Variants in GRM7 observed in about 807,000 individuals in gnomAD.
The protein encoded by GRM7 is metabotropic glutamate receptor 7.
Under a neutral mutation model 84.5 loss-of-function variants are expected in GRM7, and 35 were observed. The observed-to-expected ratio is 0.41, with a 90% CI of 0.32 to 0.55. The LOEUF (loss-of-function observed/expected upper bound fraction) is 0.55. GRM7 is among the 20% of genes least tolerant of loss of function. GRM7 has a pLI of 0.19. For missense variants in GRM7, 1,003 were observed against 1,194.6 expected, an observed-to-expected ratio of 0.84 and a Z score of 2.36; for synonymous variants, 487 against 455.1, an observed-to-expected ratio of 1.07 and a Z score of -0.89.
chr3:7,437,286 A>G (rs1697097138), intron 5 of GRM7, among the ~76,000 whole-genome samples: 1 of 152,190 alleles, frequency 6.6e-6, no homozygotes, highest in Admixed American at 6.5e-5. Flanking sequence ...GCCTTCTCTT[A>G]GTAGATTTTT....
intron 7 of GRM7, among the ~76,000 whole-genome samples, chr3:7,469,755 G>A (rs1271106593): frequency 6.6e-6 from 1 of 152,118 alleles, no homozygotes; most frequent in South Asian, 2.1e-4. Context: ...ATTTTTATTT[G>A]TCAGCATCTC....
chr3:7,731,559 A>G (rs1160543217), intron 9 of GRM7, among the ~76,000 whole-genome samples: 3 of 152,184 alleles, frequency 2.0e-5, no homozygotes, highest in Admixed American at 2.0e-4. Context: ...TTTAAATGAT[A>G]ATAGGCCTTG....
chr3:7,282,117 T>A lies in GRM7; in HGVS notation c.737-16567T>A, dbSNP rs182726202. Among the ~76,000 whole-genome samples the A allele has an allele frequency of 4.8e-4, 73 of 152,160 alleles. 1 individual carries two copies. The East Asian group carries it at 0.01, about 21-fold the overall frequency. On this transcript the variant is annotated intron_variant, in intron 2 of 9. Transcript: ENST00000357716. Reference sequence around the variant, plus strand: ...AACAAAAAACAGGTACCTACATAATTCCTATGCACATTACAATCTCAGAAA... The same window carrying A: ...AACAAAAAACAGGTACCTACATAATACCTATGCACATTACAATCTCAGAAA...
chr3:7,205,597 C>G (rs572226285), intron 2 of GRM7, among the ~76,000 whole-genome samples: 1 of 152,286 alleles, frequency 6.6e-6, no homozygotes, highest in Admixed American at 6.5e-5. Flanking sequence ...CAATGTTTCT[C>G]TGAGATGGCA....
At chr3:7,060,966 G>A (rs768802191) in intron 1 of GRM7, among the ~76,000 whole-genome samples, 8 of 151,866 alleles carry the variant, frequency 5.3e-5, no homozygotes, top group Middle Eastern at 3.4e-3. Context: ...ACACACTGCC[G>A]TTGAATCCAT....
intron 7 of GRM7, among the ~76,000 whole-genome samples, chr3:7,493,599 A>G (rs897888950): frequency 6.6e-6 from 1 of 151,988 alleles, no homozygotes; most frequent in African/African-American, 2.4e-5. Flanking sequence ...TTTAAGTAGC[A>G]TATAAGTGGG....
chr3:7,654,900 T>TAC (rs1218265506), intron 8 of GRM7, among the ~76,000 whole-genome samples: 1 of 152,236 alleles, frequency 6.6e-6, no homozygotes, highest in Non-Finnish European at 1.5e-5. Flanking sequence ...TCAGCTCTAC[T>TAC]ACCTAAGAAG....
intron 2 of GRM7, among the ~76,000 whole-genome samples, chr3:7,234,415 T>C (rs141338819): frequency 1.8e-3 from 273 of 152,312 alleles, no homozygotes; most frequent in African/African-American, 5.9e-3. Flanking sequence ...TTCCCTCTCC[T>C]GGGCCTCTGA....
intron 4 of GRM7, among the ~76,000 whole-genome samples, chr3:7,381,841 A>T (rs577243862): frequency 2.0e-5 from 3 of 152,152 alleles, no homozygotes; most frequent in African/African-American, 7.2e-5. Flanking sequence ...AGAATCAATC[A>T]TTTCTGAGTT....
intron 1 of GRM7, among the ~76,000 whole-genome samples, chr3:6,939,313 C>A (rs1697806806): frequency 6.6e-6 from 1 of 152,024 alleles, no homozygotes; most frequent in Non-Finnish European, 1.5e-5. Flanking sequence ...CATTATCAAT[C>A]AATAAATCTG....
In GRM7 at chr3:6,967,587, A is replaced by T. The variant is rs2875184; in HGVS notation, c.519+105680A>T. Among the ~76,000 whole-genome samples, 13 of 152,338 alleles carry T rather than the reference A, an allele frequency of 8.5e-5. No individual in the cohort carries two copies. The East Asian group carries it at 2.5e-3, about 29-fold the overall frequency. On this transcript the variant is annotated intron_variant, in intron 1 of 9. Transcript: ENST00000357716. ...GTTGGGATGAGTTTATGTAATATAC[A>T]TCATAAATTATCATATATTTTCAGT...
intron 7 of GRM7, among the ~76,000 whole-genome samples, chr3:7,573,662 CAT>C (rs1483569141): frequency 2.0e-5 from 3 of 152,190 alleles, no homozygotes; most frequent in African/African-American, 7.2e-5. Flanking sequence ...TTTCCCCCAA[CAT>C]GTGTGCTAGA....
At chr3:6,900,998 T>G (rs1559317332) in intron 1 of GRM7, among the ~76,000 whole-genome samples, 1 of 152,242 alleles carries the variant, frequency 6.6e-6, no homozygotes, top group Non-Finnish European at 1.5e-5. Context: ...ACCCCTCATT[T>G]AAAAAACTGG....
At chr3:7,079,609 TGAATA>T (rs962401215) in intron 1 of GRM7, among the ~76,000 whole-genome samples, 1 of 152,054 alleles carries the variant, frequency 6.6e-6, no homozygotes, top group African/African-American at 2.4e-5. Context: ...AGACAGTAGT[TGAATA>T]GAAGTATCAA....
intron 2 of GRM7, among the ~76,000 whole-genome samples, chr3:7,200,003 C>T (rs948924374): frequency 6.6e-6 from 1 of 152,198 alleles, no homozygotes; most frequent in African/African-American, 2.4e-5. Flanking sequence ...CATAGTGCTG[C>T]ACCTGGTTGG....
intron 6 of GRM7, among the ~76,000 whole-genome samples, chr3:7,456,732 G>A (rs1698031671): frequency 6.6e-6 from 1 of 151,412 alleles, no homozygotes; most frequent in African/African-American, 2.4e-5. Flanking sequence ...ACACTCTATG[G>A]TCAACAAAAT....
chr3:7,214,114 C>CA (rs34038958), intron 2 of GRM7, among the ~76,000 whole-genome samples: 4,830 of 126,546 alleles, frequency 0.038, 137 homozygotes, highest in African/African-American at 0.081. Flanking sequence ...ACTAATCAGC[C>CA]AAAAAAAAAA....
chr3:6,976,391 T>C (rs1313193835), intron 1 of GRM7, among the ~76,000 whole-genome samples: 1 of 152,158 alleles, frequency 6.6e-6, no homozygotes. Context: ...CAGACACCCA[T>C]GTGAAAGTCT....
At chr3:6,875,570 T>A (rs985986633) in intron 1 of GRM7, among the ~76,000 whole-genome samples, 4 of 152,202 alleles carry the variant, frequency 2.6e-5, no homozygotes, top group Admixed American at 1.3e-4. Flanking sequence ...GTGAGTCAAT[T>A]AAACCTCTTT....
Sources: allele counts gnomAD v4.1 joint callset (sites outside exome capture counted in the v4.1 genomes callset), GRCh38; gene constraint gnomAD v4.1.1; transcripts MANE v1.5; gene names NCBI Gene and HGNC (gene_info 2026-07-23, HGNC 2026-07-21).